The following NAV2 variants were observed in gnomAD, a reference collection of about 807,000 sequenced individuals.
NAV2 encodes the protein helicase, APC down-regulated 1.
Under a neutral mutation model 223.2 loss-of-function variants are expected in NAV2, and 54 were observed. The ratio of observed to expected loss-of-function variants is 0.24; its 90% confidence interval spans 0.19 to 0.30. The LOEUF is 0.30. NAV2 is among the 10% of genes least tolerant of loss of function. NAV2 has a pLI of 1.00. For synonymous variants in NAV2, 1,279 were observed against 1,239.3 expected, an observed-to-expected ratio of 1.03 and a Z score of -0.67; for missense variants, 2,806 against 3,147.5, an observed-to-expected ratio of 0.89 and a Z score of 2.60.
chr11:19,389,777 T>C (rs1219413634), intron 1 of NAV2, among the ~76,000 whole-genome samples: 3 of 152,244 alleles, frequency 2.0e-5, no homozygotes, highest in African/African-American at 7.2e-5. Flanking sequence ...TCATGTGTGT[T>C]CCTGTGGCTG....
chr11:19,999,292 A>C (rs896776014), intron 11 of NAV2, among the ~76,000 whole-genome samples: 2 of 152,248 alleles, frequency 1.3e-5, no homozygotes, highest in Non-Finnish European at 2.9e-5. Flanking sequence ...TGCCTTCAAA[A>C]AAATCGGGTT....
intron 11 of NAV2, among the ~76,000 whole-genome samples, chr11:19,995,351 A>C (rs1301322069): frequency 6.6e-6 from 1 of 152,164 alleles, no homozygotes; most frequent in East Asian, 1.9e-4. Context: ...ATGGTATTTC[A>C]GTTAGGAGTC....
rs939749834 is a variant in NAV2 at position 19,973,866 on chromosome 11, T to C, written c.2646-10259T>C. 2.0e-5 allele frequency among the ~76,000 whole-genome samples: 3 copies of C among 152,272 alleles called. No individual in the cohort carries two copies. The East Asian group carries it at 5.8e-4, about 29-fold the overall frequency. ...TTGAATTCAGCATGCCTAATACTGC[T>C]CCCTCTTGCCACTTGCCAGCCATCT... On this transcript the variant is annotated intron_variant, in intron 10 of 37. Transcript: ENST00000349880.
At chr11:19,625,278 C>A (rs546109073) in intron 1 of NAV2, among the ~76,000 whole-genome samples, 3 of 152,288 alleles carry the variant, frequency 2.0e-5, no homozygotes, top group South Asian at 4.1e-4. Context: ...TCAATGAGAA[C>A]AACTTTTTTT....
At chr11:19,587,361 G>A (rs1425881243) in intron 1 of NAV2, among the ~76,000 whole-genome samples, 2 of 152,070 alleles carry the variant, frequency 1.3e-5, no homozygotes, top group African/African-American at 2.4e-5. Flanking sequence ...TTCAGCTCAC[G>A]CTCAGTGAGC....
intron 1 of NAV2, among the ~76,000 whole-genome samples, chr11:19,606,480 C>G (rs1462846395): frequency 6.6e-6 from 1 of 152,176 alleles, no homozygotes; most frequent in Non-Finnish European, 1.5e-5. Flanking sequence ...CCATTTTCCA[C>G]TTTTTTCTCC....
rs138932133 is a variant in NAV2, at chr11:19,563,652, T to C, written c.75+212625T>C. On this transcript the variant is annotated intron_variant, in intron 1 of 37. Transcript: ENST00000360655. ...CAAGACCCATTGAATCCCGGGTCTA[T>C]GGGGCATTTTAATATGTATCCCAAG... Among the ~76,000 whole-genome samples, 336 of 152,296 alleles carry C rather than the reference T, an allele frequency of 2.2e-3. 9 individuals are homozygous for C. Among genetic ancestry groups the C allele is most frequent in the Admixed American group, 0.017 (258 of 15,306 alleles).
chr11:19,892,547 C>A lies in NAV2; in HGVS notation c.884C>A (p.Ser295Tyr), dbSNP rs765772068. Residue 295 changes from serine (S) to tyrosine (Y), a missense_variant, in exon 6 of 38, where the codon TCC becomes TAC. Transcript: ENST00000349880. ...CAGAGCTTTAACAACTATGATAAATCCAAACCAGTCACCTCCCCACCCCCA... is the reference window on the plus strand; with the variant it reads ...CAGAGCTTTAACAACTATGATAAATACAAACCAGTCACCTCCCCACCCCCA... ...RSQSFNNYDKSKPVTSPPPPP... is the reference protein window; with the variant it reads ...RSQSFNNYDKYKPVTSPPPPP... 2.4e-5 allele frequency: 39 copies of A among 1,613,982 alleles called. No homozygotes were observed. The highest frequency in any genetic ancestry group is 3.1e-5 in the Non-Finnish European group (36 of 1,180,004).
chr11:19,769,931 C>T (rs1386971317), intron 1 of NAV2, among the ~76,000 whole-genome samples: 1 of 152,098 alleles, frequency 6.6e-6, no homozygotes, highest in Non-Finnish European at 1.5e-5. Context: ...AAATTGCTAA[C>T]CTTAATCCCT....
At chr11:20,018,353 C>CAAAAAAA (rs34251713) in intron 11 of NAV2, among the ~76,000 whole-genome samples, 2 of 87,974 alleles carry the variant, frequency 2.3e-5, no homozygotes, top group African/African-American at 5.0e-5. Flanking sequence ...GATTCCATCT[C>CAAAAAAA]AAAAAAAAAA....
chr11:19,394,717 G>A (rs534733207), intron 1 of NAV2, among the ~76,000 whole-genome samples: 1 of 152,314 alleles, frequency 6.6e-6, no homozygotes, highest in East Asian at 1.9e-4. Context: ...AGTGAAACAG[G>A]AGAGAAGAGT....
intron 1 of NAV2, chr11:19,518,344 T>A (rs989219858): frequency 6.6e-6 from 1 of 152,248 alleles, no homozygotes; most frequent in Non-Finnish European, 1.5e-5. Flanking sequence ...TATTTAACAT[T>A]CAGCCCAGGA....
At chr11:20,023,732 G>GTA (rs1379601446) in intron 11 of NAV2, among the ~76,000 whole-genome samples, 1 of 151,394 alleles carries the variant, frequency 6.6e-6, no homozygotes, top group East Asian at 2.0e-4. Context: ...GTGTGTGTGT[G>GTA]TGTAAACTAG....
At chr11:19,637,398 C>G (rs1015759997) in intron 1 of NAV2, among the ~76,000 whole-genome samples, 1 of 152,218 alleles carries the variant, frequency 6.6e-6, no homozygotes, top group Non-Finnish European at 1.5e-5. Context: ...CCTCTGAGCT[C>G]ATGAATCCCT....
intron 10 of NAV2, among the ~76,000 whole-genome samples, chr11:19,954,594 A>C (rs889804501): frequency 6.6e-6 from 1 of 152,222 alleles, no homozygotes; most frequent in African/African-American, 2.4e-5. Flanking sequence ...TGTAAATGCT[A>C]TATGGATAGT....
chr11:19,906,758 CCCTGTGG>C (rs2042897670), intron 6 of NAV2, among the ~76,000 whole-genome samples: 1 of 152,090 alleles, frequency 6.6e-6, no homozygotes. Flanking sequence ...TTTATGAGGC[CCCTGTGG>C]CCAAGGAAAG....
At chr11:20,067,010 C>T (rs1393974935) in intron 20 of NAV2, among the ~76,000 whole-genome samples, 2 of 152,134 alleles carry the variant, frequency 1.3e-5, no homozygotes, top group Admixed American at 6.6e-5. Context: ...CATGTGGGCT[C>T]CCCCTGTGGG....
chr11:19,976,932 T>C (rs932493628), intron 10 of NAV2, among the ~76,000 whole-genome samples: 2 of 152,118 alleles, frequency 1.3e-5, no homozygotes, highest in African/African-American at 4.8e-5. Flanking sequence ...TAAGGGAAGA[T>C]TTTACTCACG....
chr11:19,903,888 A>T (rs2042649675), intron 6 of NAV2, among the ~76,000 whole-genome samples: 1 of 152,186 alleles, frequency 6.6e-6, no homozygotes, highest in Non-Finnish European at 1.5e-5. Context: ...GAAATGGAGA[A>T]AACCCACAGT....
Sources: allele counts gnomAD v4.1 joint callset (sites outside exome capture counted in the v4.1 genomes callset), GRCh38; gene constraint gnomAD v4.1.1; transcripts MANE v1.5; gene names NCBI Gene and HGNC (gene_info 2026-07-23, HGNC 2026-07-21).